The following PPARG variants were observed in gnomAD, a reference collection of about 807,000 sequenced individuals.
PPARG encodes the protein peroxisome proliferator activated receptor gamma, also known as peroxisome proliferator-activated receptor gamma.
A neutral mutation model predicts 39.2 loss-of-function variants in PPARG; 17 were observed. The observed-to-expected ratio is 0.43, with a 90% CI of 0.30 to 0.65. PPARG has a LOEUF of 0.65. Among genes scored for constraint, PPARG ranks in the 30% least tolerant of loss-of-function variants. The probability of loss-of-function intolerance (pLI) is 0.13; values close to 1 mark genes in which losing one functional copy is unlikely to be tolerated. For synonymous variants in PPARG, 223 were observed against 215.7 expected (o/e 1.03, Z -0.30); for missense variants, 406 against 585.9 (o/e 0.69, Z 3.17).
At chr3:12,345,308 C>T (rs1192556220) in intron 2 of PPARG, among the ~76,000 whole-genome samples, 4 of 152,056 alleles carry the variant, frequency 2.6e-5, no homozygotes, top group South Asian at 2.1e-4. Flanking sequence ...TTTTAATTAC[C>T]GAGTCATAAT....
At chr3:12,380,650 G>A (rs540963894) in intron 3 of PPARG, among the ~76,000 whole-genome samples, 8 of 152,238 alleles carry the variant, frequency 5.3e-5, no homozygotes, top group Admixed American at 2.6e-4. Context: ...GGCTTTTAAA[G>A]ATAAATAATA....
At chr3:12,344,867 A>G (rs1031822573) in intron 2 of PPARG, 2 of 152,246 alleles carry the variant, frequency 1.3e-5, no homozygotes, top group Admixed American at 6.5e-5. Context: ...GAAAACAGAG[A>G]TGTGACAAGG....
At chr3:12,336,330 C>G (rs1470527896) in intron 2 of PPARG, among the ~76,000 whole-genome samples, 1 of 151,986 alleles carries the variant, frequency 6.6e-6, no homozygotes, top group Non-Finnish European at 1.5e-5. Context: ...TTTGTGGTAT[C>G]TTTTATGCAA....
In PPARG at chr3:12,303,851, G is replaced by T. The variant is rs188280007; in HGVS notation, c.-82-8529G>T. Among the ~76,000 whole-genome samples the T allele has an allele frequency of 5.3e-5, 8 of 152,310 alleles. No homozygotes were observed. In the East Asian group the frequency reaches 1.5e-3, roughly 29 times the overall value. On this transcript the variant is annotated intron_variant, in intron 1 of 7. Coordinates refer to ENST00000651735, the MANE Select transcript of PPARG (RefSeq NM_138711.6). ...ACTTATCAGGTCTTGTGTAACTAAG[G>T]TGCCATGATTCCCTATTCTCTAATG...
intron 1 of PPARG, among the ~76,000 whole-genome samples, chr3:12,291,685 A>G (rs2046652353): frequency 6.6e-6 from 1 of 152,220 alleles, no homozygotes; most frequent in African/African-American, 2.4e-5. Context: ...CATCAATAAT[A>G]GTATATGTTT....
chr3:12,336,348 G>A (rs775379350), intron 2 of PPARG, among the ~76,000 whole-genome samples: 1 of 152,056 alleles, frequency 6.6e-6, no homozygotes, highest in Non-Finnish European at 1.5e-5. Context: ...CAACACTAAC[G>A]TTAAGCTTCC....
intron 2 of PPARG, among the ~76,000 whole-genome samples, chr3:12,328,962 A>G (rs1434483332): frequency 1.3e-5 from 2 of 152,144 alleles, no homozygotes; most frequent in African/African-American, 2.4e-5. Context: ...CTTTTGGCCA[A>G]TATCATAAGA....
chr3:12,406,194 AC>A, intron 6 of PPARG, 113 bp downstream of exon 6: 1 of 1,101,468 alleles, frequency 9.1e-7, no homozygotes, highest in South Asian at 1.3e-5. Flanking sequence ...ATATTGTTCA[AC>A]TGTTGGCTGT....
At chr3:12,371,288 A>G (rs1039013933) in intron 2 of PPARG, among the ~76,000 whole-genome samples, 2 of 152,170 alleles carry the variant, frequency 1.3e-5, no homozygotes, top group Non-Finnish European at 2.9e-5. Flanking sequence ...GGCATCTGAC[A>G]TGGAGCTGTG....
intron 1 of PPARG, among the ~76,000 whole-genome samples, chr3:12,299,612 A>G (rs1235305555): frequency 6.6e-6 from 1 of 152,206 alleles, no homozygotes; most frequent in African/African-American, 2.4e-5. Flanking sequence ...CCAAATGACA[A>G]GAGGATTATT....
intron 1 of PPARG, among the ~76,000 whole-genome samples, 193 bp from the exon 2 acceptor site, chr3:12,312,187 T>C (rs547907318): frequency 6.6e-6 from 1 of 152,386 alleles, no homozygotes; most frequent in South Asian, 2.1e-4. Flanking sequence ...ATGAATCATT[T>C]TGTGGTCTGT....
At chr3:12,428,657 G>A (rs919816741) in intron 7 of PPARG, among the ~76,000 whole-genome samples, 3 of 152,350 alleles carry the variant, frequency 2.0e-5, no homozygotes, top group Admixed American at 6.5e-5. Context: ...CTGAGTGTGC[G>A]TGGAGCAGAA....
intron 2 of PPARG, among the ~76,000 whole-genome samples, chr3:12,337,819 G>A (rs373809453): frequency 6.6e-6 from 1 of 152,002 alleles, no homozygotes; most frequent in African/African-American, 2.4e-5. Flanking sequence ...GTAAAATACG[G>A]TATAAACAAC....
chr3:12,319,203 G>A (rs1455287319), intron 2 of PPARG, among the ~76,000 whole-genome samples: 2 of 152,182 alleles, frequency 1.3e-5, no homozygotes, highest in Non-Finnish European at 2.9e-5. Context: ...AGAGATGTAT[G>A]TTTCCCTAAG....
chr3:12,333,385 A>G (rs956961256), intron 2 of PPARG, among the ~76,000 whole-genome samples: 3 of 152,142 alleles, frequency 2.0e-5, no homozygotes, highest in African/African-American at 7.2e-5. Context: ...CAGCTTGAGT[A>G]TATCTAATTT....
At chr3:12,337,357 C>A (rs1307872901) in intron 2 of PPARG, among the ~76,000 whole-genome samples, 1 of 152,052 alleles carries the variant, frequency 6.6e-6, no homozygotes, top group Non-Finnish European at 1.5e-5. Flanking sequence ...CTGAGTAGAA[C>A]TTATGTGTTA....
chr3:12,345,867 A>G (rs977004849), intron 2 of PPARG, among the ~76,000 whole-genome samples: 8 of 152,200 alleles, frequency 5.3e-5, no homozygotes, highest in Admixed American at 3.3e-4. Context: ...AAATCTCCAT[A>G]TAACTGATCT....
chr3:12,320,107 C>G (rs1293722582), intron 2 of PPARG, among the ~76,000 whole-genome samples: 1 of 152,158 alleles, frequency 6.6e-6, no homozygotes, highest in Non-Finnish European at 1.5e-5. Context: ...ATGCTGCATA[C>G]AGAGGTATTA....
chr3:12,292,954 G>A (rs1188445685), intron 1 of PPARG, among the ~76,000 whole-genome samples: 3 of 152,234 alleles, frequency 2.0e-5, no homozygotes, highest in African/African-American at 7.2e-5. Flanking sequence ...AGGATGCAGA[G>A]GCGAAGGCAA....
Sources: allele counts gnomAD v4.1 joint callset (sites outside exome capture counted in the v4.1 genomes callset), GRCh38; gene constraint gnomAD v4.1.1; transcripts MANE v1.5; gene names NCBI Gene and HGNC (gene_info 2026-07-23, HGNC 2026-07-21).